HAUS6: variants seen among roughly 807,000 people sequenced by gnomAD.
HAUS6 encodes HAUS augmin like complex subunit 6.
HAUS6 carries 80 observed loss-of-function variants against 106.8 expected under a neutral mutation model. The observed-to-expected ratio is 0.75, with a 90% CI of 0.63 to 0.90. The LOEUF is 0.90. Among genes scored for constraint, HAUS6 ranks in the 40% least tolerant of loss-of-function variants. HAUS6 has a pLI of 0.00. For synonymous variants in HAUS6, 356 were observed against 379.1 expected (o/e 0.94, Z 0.71); for missense variants, 1,155 against 1,118.1 (o/e 1.03, Z -0.47).
intron 2 of HAUS6, among the ~76,000 whole-genome samples, chr9:19,094,971 C>G (rs1326593737): frequency 6.6e-6 from 1 of 151,866 alleles, no homozygotes; most frequent in Non-Finnish European, 1.5e-5. Context: ...TGCTGAAAAT[C>G]AGCTAAAGAC....
At position 19,063,457 on chromosome 9, in the gene HAUS6, T is replaced by G. The variant is rs1836677465; in HGVS notation, c.1443+57A>C. 9 of 846,860 alleles carry G rather than the reference T, an allele frequency of 1.1e-5. No homozygotes were observed. The South Asian group carries it at 1.4e-4, about 13-fold the overall frequency. The allele number at this position is 846,860 out of a possible 1,614,324, so 52.5% of individuals were successfully genotyped here. On this transcript the variant is annotated intron_variant, in intron 13 of 16. Coordinates refer to ENST00000380502, the MANE Select transcript of HAUS6 (RefSeq NM_017645.5). ...TAACTGTGGTATCAACAAAAATAAATAATATTTTATAATTTAGTATGGTCC... is the reference window on the plus strand; with the variant it reads ...TAACTGTGGTATCAACAAAAATAAAGAATATTTTATAATTTAGTATGGTCC...
chr9:19,085,158 G>A (rs1202637144), intron 7 of HAUS6, among the ~76,000 whole-genome samples: 1 of 152,134 alleles, frequency 6.6e-6, no homozygotes, highest in Non-Finnish European at 1.5e-5. Context: ...CAGTCTAGAG[G>A]TCTCACAGAA....
intron 14 of HAUS6, among the ~76,000 whole-genome samples, chr9:19,061,614 C>T (rs1456353057): frequency 6.6e-6 from 1 of 152,140 alleles, no homozygotes; most frequent in East Asian, 1.9e-4. Context: ...GCTAGAAGAT[C>T]ACTTCAGGCT....
rs771321956 is a variant in HAUS6, at chr9:19,093,176, G to C, written c.431C>G (p.Ser144Cys). The C allele has an allele frequency of 1.3e-6, 2 of 1,545,264 alleles. No homozygotes were observed. The highest frequency in any genetic ancestry group is 1.8e-6 in the Non-Finnish European group (2 of 1,137,292). ...CTTTTATAAGTTGAACTTACTTTTA[G>C]AATTGGATTTAATATATTTCATTGC... ...FVAMKYIKSN[S>C]KNSSHHFVET... Residue 144 changes from serine to cysteine, a missense_variant, in exon 4 of 17, where the codon TCT becomes TGT. By Grantham distance (112) the Ser-to-Cys change is moderately radical. This residue lies in a region of HAUS6 where 761 missense variants were observed against 690.0 expected (regional missense o/e 1.10). Coordinates refer to ENST00000380502, the MANE Select transcript of HAUS6 (RefSeq NM_017645.5).
intron 2 of HAUS6, among the ~76,000 whole-genome samples, chr9:19,096,337 G>C (rs1817861077): frequency 6.6e-6 from 1 of 152,094 alleles, no homozygotes; most frequent in Middle Eastern, 3.2e-3. Context: ...GGCCGAGGCA[G>C]GTGGATCACC....
intron 11 of HAUS6, 36 bp from the exon 12 acceptor site, chr9:19,070,336 T>C (rs757845239): frequency 9.2e-7 from 1 of 1,085,366 alleles, no homozygotes; most frequent in South Asian, 1.3e-5. Context: ...TCTTTAATTA[T>C]GTTTGTACAT....
rs761164421 is a variant in HAUS6, at chr9:19,078,193, T to C, written c.1174A>G (p.Ile392Val). 2.4e-5 allele frequency: 39 copies of C among 1,606,814 alleles called. 1 individual carries two copies. In the South Asian group the frequency reaches 4.1e-4, roughly 17 times the overall value. The change falls in exon 10 of 17, where the codon ATT becomes GTT. Residue 392 changes from isoleucine to valine, a missense_variant. Transcript: ENST00000380502. The stretch of plus-strand genomic sequence containing the variant: ...TTACTTACTGGAGTCCAACCTTTAA[T>C]TAGACTGAAAGGAGACAAACCAAGA... ...EFLGLSPFSL[I>V]KGWTPSVDLL...
intron 4 of HAUS6, among the ~76,000 whole-genome samples, chr9:19,090,757 G>T (rs1440009980): frequency 1.3e-5 from 2 of 152,166 alleles, no homozygotes; most frequent in Non-Finnish European, 2.9e-5. Context: ...TTTCCTCCTA[G>T]TAAGACCAAT....
chr9:19,068,354 G>C (rs1268028051), intron 12 of HAUS6, among the ~76,000 whole-genome samples: 2 of 151,056 alleles, frequency 1.3e-5, no homozygotes, highest in Admixed American at 6.6e-5. Flanking sequence ...AACTAGTCCT[G>C]ACTGCCTGTG....
intron 4 of HAUS6, among the ~76,000 whole-genome samples, chr9:19,092,862 T>C (rs145803718): frequency 0.025 from 3,679 of 148,338 alleles, 67 homozygotes; most frequent in Non-Finnish European, 0.039. Context: ...GAGGCAGAGG[T>C]TGGAGTGAGC....
At chr9:19,076,424 A>C (rs1051674487) in intron 11 of HAUS6, among the ~76,000 whole-genome samples, 178 bp downstream of exon 11, 43 of 152,174 alleles carry the variant, frequency 2.8e-4, no homozygotes, top group African/African-American at 9.2e-4. Flanking sequence ...AAATGTACTA[A>C]ATGCCACTGA....
rs562092818 is a variant in HAUS6, at chr9:19,088,001, T to C, written c.585-845A>G. ...GAAGAAACTCCAAGAAAAAAAGATA[T>C]GCTGCATAGATGAACCTAAACATAA... On this transcript the variant is annotated intron_variant, in intron 5 of 16. Transcript: ENST00000380502. Among the ~76,000 whole-genome samples, 3 of 152,210 alleles carry C rather than the reference T, an allele frequency of 2.0e-5. No individual in the cohort carries two copies. In the East Asian group the frequency reaches 5.8e-4, roughly 29 times the overall value.
chr9:19,060,263 C>A (rs777815183), intron 14 of HAUS6, 40 bp from the exon 15 acceptor site: 12 of 1,461,444 alleles, frequency 8.2e-6, no homozygotes, highest in Non-Finnish European at 1.1e-5. Flanking sequence ...GATTACCAAG[C>A]CCATTGGTAG....
At chr9:19,081,551 C>A (rs1395040581) in intron 8 of HAUS6, among the ~76,000 whole-genome samples, 2 of 151,942 alleles carry the variant, frequency 1.3e-5, no homozygotes, top group East Asian at 3.9e-4. Flanking sequence ...GCGATCCTCC[C>A]ACCTCAGCCT....
chr9:19,085,821 C>A (rs1347599250), intron 7 of HAUS6, among the ~76,000 whole-genome samples: 2 of 152,016 alleles, frequency 1.3e-5, no homozygotes, highest in African/African-American at 4.8e-5. Flanking sequence ...CTAGGTTATA[C>A]TACAATCAAG....
intron 16 of HAUS6, chr9:19,057,554 A>C (rs1481939913): frequency 1.1e-5 from 2 of 182,376 alleles, no homozygotes; most frequent in African/African-American, 4.7e-5. Flanking sequence ...CTAGGAAACT[A>C]ATACACTGAC....
chr9:19,076,691 A>T lies in HAUS6; in HGVS notation c.1205T>A (p.Leu402Ter). ...AAACGAAAGGGGAGACATTGGTGGT[A>T]AAAGATCTACAGACTTAAAACAGAA... ...IKGWTPSVDL[L>*]PPMSPLSFDP... The change falls in exon 11 of 17, where the codon TTA becomes TAA. Residue 402 changes from leucine (L) to a stop codon, truncating the protein, a stop_gained. Transcript: ENST00000380502. LOFTEE classifies it high-confidence loss of function. 6.6e-7 allele frequency: 1 copy of T among 1,518,474 alleles called. No individual in the cohort carries two copies. The highest frequency in any genetic ancestry group is 9.1e-7 in the Non-Finnish European group (1 of 1,093,464). 94.1% of individuals were successfully genotyped at this position (1,518,474 alleles called of 1,614,324 possible).
At chr9:19,056,664 G>A (rs1427942911) in intron 16 of HAUS6, 2 of 330,268 alleles carry the variant, frequency 6.1e-6, no homozygotes, top group Non-Finnish European at 1.1e-5. Context: ...GCAGTGGCAC[G>A]ATCGCAGCTC....
At chr9:19,090,932 T>C (rs1176865537) in intron 4 of HAUS6, among the ~76,000 whole-genome samples, 4 of 152,128 alleles carry the variant, frequency 2.6e-5, no homozygotes, top group African/African-American at 7.2e-5. Context: ...AACAAAAACA[T>C]GAATATTCTG....
Sources: allele counts gnomAD v4.1 joint callset (sites outside exome capture counted in the v4.1 genomes callset), GRCh38; gene constraint gnomAD v4.1.1; regional missense constraint gnomAD v4.1.1; transcripts MANE v1.5; gene names NCBI Gene and HGNC (gene_info 2026-07-23, HGNC 2026-07-21).